LOC101059915: variants seen among roughly 807,000 people sequenced by gnomAD.
At chrX:71,671,515 T>C in the LOC101059915 span, 11,836 of 274,150 alleles carry the variant, frequency 0.043, 802 homozygotes, top group African/African-American at 0.22. Flanking sequence ...GAAATAAAGT[T>C]GTTCTCATAT....
chrX:71,671,135 T>C, the LOC101059915 span: 38 of 1,161,635 alleles, frequency 3.3e-5, no homozygotes, highest in Non-Finnish European at 4.0e-5. Flanking sequence ...GCTAGGTTTT[T>C]CCCCACGGGG....
the LOC101059915 span, chrX:71,667,829 T>G: frequency 9.3e-7 from 1 of 1,071,926 alleles, no homozygotes; most frequent in African/African-American, 1.9e-5. Flanking sequence ...GAAGTGTCCG[T>G]TTGCAGGGCT....
chrX:71,669,513 A>G, the LOC101059915 span: 1 of 949,829 alleles, frequency 1.1e-6, no homozygotes, highest in Non-Finnish European at 1.3e-6. Context: ...ATGTGTACTC[A>G]CCGCCCGTCC....
At chrX:71,668,382 G>A in the LOC101059915 span, 1 of 1,149,096 alleles carries the variant, frequency 8.7e-7, no homozygotes, top group Admixed American at 2.8e-5. Context: ...TGGATCCCCA[G>A]CAGCCCTCCG....
chrX:71,671,086 T>A, the LOC101059915 span: 1 of 1,137,004 alleles, frequency 8.8e-7, no homozygotes, highest in Non-Finnish European at 1.2e-6. Context: ...GACGGGTGGA[T>A]GAGTCAGTCC....
chrX:71,668,303 G>A, the LOC101059915 span: 2 of 1,134,704 alleles, frequency 1.8e-6, no homozygotes, highest in Non-Finnish European at 2.3e-6. Flanking sequence ...CTCCACCTCA[G>A]TGTTCCTGGG....
At chrX:71,667,883 C>T in the LOC101059915 span, 2 of 1,110,565 alleles carry the variant, frequency 1.8e-6, no homozygotes, top group East Asian at 3.4e-5. Flanking sequence ...GCCCACACCG[C>T]CAGCCCGGGA....
the LOC101059915 span, chrX:71,668,510 G>T: frequency 4.4e-6 from 5 of 1,147,835 alleles, no homozygotes; most frequent in Non-Finnish European, 5.8e-6. Flanking sequence ...AAGCCCGGAA[G>T]CCCCAAGAAG....
chrX:71,670,585 C>A, the LOC101059915 span: 2,723 of 1,097,256 alleles, frequency 2.5e-3, 2 homozygotes, highest in Middle Eastern at 8.2e-3. Flanking sequence ...CTAACCATTT[C>A]TTTTCCACTG....
At chrX:71,667,949 G>A in the LOC101059915 span, 2 of 1,155,801 alleles carry the variant, frequency 1.7e-6, no homozygotes, top group Admixed American at 2.7e-5. Context: ...CAGCGCAGTG[G>A]CAAGGGTAAG....
At chrX:71,668,359 T>C in the LOC101059915 span, 6 of 1,142,850 alleles carry the variant, frequency 5.3e-6, no homozygotes, top group South Asian at 2.1e-5. Context: ...GAAGAGCAGA[T>C]TGAGCTTCCA....
the LOC101059915 span, chrX:71,667,958 A>G: frequency 8.6e-7 from 1 of 1,156,520 alleles, no homozygotes; most frequent in South Asian, 2.0e-5. Flanking sequence ...GGCAAGGGTA[A>G]GGGCAAGGGC....
At chrX:71,669,840 C>T in the LOC101059915 span, 558 of 681,543 alleles carry the variant, frequency 8.2e-4, 4 homozygotes, top group African/African-American at 0.012. Context: ...AGCTGTCCCA[C>T]AGGAAATGGG....
chrX:71,668,695 AG>A, the LOC101059915 span: 1 of 1,076,503 alleles, frequency 9.3e-7, no homozygotes. Flanking sequence ...GTGGGGAAAG[AG>A]GGGGGTCAGG....
At chrX:71,671,225 C>T in the LOC101059915 span, 1 of 1,163,887 alleles carries the variant, frequency 8.6e-7, no homozygotes, top group Non-Finnish European at 1.1e-6. Context: ...CAGTTCCTCA[C>T]TGACAAGTTC....
the LOC101059915 span, chrX:71,670,225 G>T: frequency 8.6e-7 from 1 of 1,165,946 alleles, no homozygotes; most frequent in Non-Finnish European, 1.1e-6. Context: ...CTCACTGGGC[G>T]GCTTGGAAGC....
chrX:71,668,144 C>T, the LOC101059915 span: 3 of 1,137,412 alleles, frequency 2.6e-6, no homozygotes, highest in Non-Finnish European at 3.5e-6. Flanking sequence ...ACCATCATGC[C>T]GCCGTCCAGC....
At chrX:71,670,372 A>C in the LOC101059915 span, 2 of 1,162,283 alleles carry the variant, frequency 1.7e-6, no homozygotes, top group African/African-American at 3.6e-5. Context: ...AGAGGTCCAC[A>C]CTAGATGGTG....
chrX:71,669,752 G>C, the LOC101059915 span: 1 of 958,275 alleles, frequency 1.0e-6, no homozygotes. Context: ...GGAGGGGAGA[G>C]GGGTCCGGAG....
Sources: allele counts gnomAD v4.1 joint callset, GRCh38; gene constraint gnomAD v4.1.1; transcripts MANE v1.5.